VAV1: variants seen among roughly 807,000 people sequenced by gnomAD.
VAV1 encodes the protein vav guanine nucleotide exchange factor 1, also known as proto-oncogene vav.
In VAV1, 33 loss-of-function variants were observed where a neutral mutation model predicts 128.1. The observed-to-expected ratio is 0.26, with a 90% CI of 0.20 to 0.34. VAV1 has a LOEUF of 0.34. Among genes scored for constraint, VAV1 ranks in the 10% least tolerant of loss-of-function variants. The pLI, the probability that VAV1 is intolerant of heterozygous loss-of-function variation, is 1.00. For synonymous variants in VAV1, 394 were observed against 409.8 expected, an observed-to-expected ratio of 0.96 and a Z score of 0.47; for missense variants, 715 against 1,093.7, an observed-to-expected ratio of 0.65 and a Z score of 4.88.
At chr19:6,835,466 T>C (rs966641200) in intron 19 of VAV1, among the ~76,000 whole-genome samples, 5 of 152,192 alleles carry the variant, frequency 3.3e-5, no homozygotes, top group South Asian at 2.1e-4. Context: ...TTCTCAATAA[T>C]GGCCTGTGGC....
At chr19:6,818,129 T>G (rs1040065951) in intron 1 of VAV1, among the ~76,000 whole-genome samples, 4 of 152,108 alleles carry the variant, frequency 2.6e-5, no homozygotes, top group Non-Finnish European at 5.9e-5. Flanking sequence ...TGACTTTTTA[T>G]TTTTTGTGGA....
At chr19:6,839,863 T>C (rs1446531030) in intron 21 of VAV1, among the ~76,000 whole-genome samples, 1 of 151,908 alleles carries the variant, frequency 6.6e-6, no homozygotes, top group Non-Finnish European at 1.5e-5. Flanking sequence ...GCTAATTTTT[T>C]GTATTTTTCG....
intron 1 of VAV1, among the ~76,000 whole-genome samples, chr19:6,818,098 G>T (rs776028086): frequency 6.6e-6 from 1 of 151,902 alleles, no homozygotes; most frequent in Non-Finnish European, 1.5e-5. Context: ...GGGATTACAG[G>T]TGTGCACCAC....
At chr19:6,788,441 C>T (rs1377862967) in intron 1 of VAV1, among the ~76,000 whole-genome samples, 3 of 151,424 alleles carry the variant, frequency 2.0e-5, no homozygotes, top group South Asian at 2.1e-4. Flanking sequence ...GGCACAATCT[C>T]GGCTCAGTGC....
In VAV1 at chr19:6,828,275, G is replaced by A. The variant is rs1971966033; in HGVS notation, c.1023+104G>A. On this transcript the variant is annotated intron_variant, in intron 10 of 26. Transcript: ENST00000602142. This position sits in a 1 kb window ranked among gnomAD's most constrained non-coding sequence, Gnocchi z 4.5. ...TGGGGGTTGGGTCTCTAGGACGCTC[G>A]GGGATGGGTCACTGGGGTCATGTCT... is the stretch of plus-strand genomic sequence containing the variant. 3.3e-6 allele frequency: 5 copies of A among 1,510,102 alleles called. No individual in the cohort carries two copies. Among genetic ancestry groups the A allele is most frequent in the Admixed American group, 1.8e-5 (1 of 54,390 alleles). The allele number at this position is 1,510,102 out of a possible 1,614,324, so 93.5% of individuals were successfully genotyped here.
rs1425674575 is a variant in VAV1, at chr19:6,826,759, C to T, written c.927+48C>T. The T allele has an allele frequency of 1.4e-6, 2 of 1,418,402 alleles. No individual in the cohort carries two copies. Among genetic ancestry groups the T allele is most frequent in the Non-Finnish European group, 1.9e-6 (2 of 1,039,218 alleles). The allele number at this position is 1,418,402 out of a possible 1,614,324, so 87.9% of individuals were successfully genotyped here. A position where few individuals can be genotyped will look rare whatever the true frequency, so the allele number is the denominator to read the frequency against. On this transcript the variant is annotated intron_variant, in intron 9 of 26. Transcript: ENST00000602142. The surrounding 1 kb of genome is among the most constrained non-coding windows in gnomAD (Gnocchi z 4.1). ...GGGGCCTCTCCCGCTCCTCCCCAGG[C>T]CCTGGGGGCAGCAGGGAGGACACTG...
At chr19:6,850,844 C>T in intron 24 of VAV1, 87 bp downstream of exon 24, 3 of 1,364,828 alleles carry the variant, frequency 2.2e-6, no homozygotes, top group Non-Finnish European at 3.1e-6. Context: ...CCTTTTCCCA[C>T]ATTCAGGGTG....
chr19:6,797,433 T>G (rs1348235187), intron 1 of VAV1, among the ~76,000 whole-genome samples: 1 of 152,130 alleles, frequency 6.6e-6, no homozygotes, highest in Non-Finnish European at 1.5e-5. Context: ...CCGGGCACAG[T>G]GGCTCATGCC....
intron 1 of VAV1, among the ~76,000 whole-genome samples, chr19:6,793,495 G>A (rs372331626): frequency 2.6e-5 from 4 of 151,928 alleles, no homozygotes; most frequent in South Asian, 2.1e-4. Context: ...CTTGGGCGGC[G>A]GCAAGACAGG....
chr19:6,833,759 G>T (rs1253058018), intron 18 of VAV1, 26 bp downstream of exon 18: 1 of 1,613,998 alleles, frequency 6.2e-7, no homozygotes, highest in East Asian at 2.2e-5. Flanking sequence ...GGTCCTTCCT[G>T]TGTACCACAA....
intron 1 of VAV1, among the ~76,000 whole-genome samples, chr19:6,779,543 C>T (rs1277245130): frequency 6.6e-6 from 1 of 150,622 alleles, no homozygotes; most frequent in Non-Finnish European, 1.5e-5. Flanking sequence ...TTTGCTCGCC[C>T]TGTGCTAGAC....
In VAV1 at chr19:6,772,813, G is replaced by A; in HGVS notation, c.6G>A (p.Glu2=). The change falls in exon 1 of 27, where the codon GAG becomes GAA. Residue 2 remains glutamate, a synonymous_variant. Transcript: ENST00000602142. This position sits in a 1 kb window ranked among gnomAD's most constrained non-coding sequence, Gnocchi z 4.8. M[E]LWRQCTHWLI... ...GCCCTGGGCAGGCGGTAGCCATGGA[G>A]CTGTGGCGCCAATGCACCCACTGGC... 6.2e-7 allele frequency: 1 copy of A among 1,613,414 alleles called. No homozygotes were observed. Among genetic ancestry groups the A allele is most frequent in the Non-Finnish European group, 8.5e-7 (1 of 1,179,790 alleles).
intron 1 of VAV1, among the ~76,000 whole-genome samples, chr19:6,796,839 C>T (rs1012589760): frequency 3.3e-5 from 5 of 152,298 alleles, no homozygotes; most frequent in African/African-American, 1.2e-4. Flanking sequence ...TCTTCCTTTG[C>T]CAGAATATCA....
chr19:6,792,275 T>C (rs2660485), intron 1 of VAV1, among the ~76,000 whole-genome samples: 33,567 of 151,782 alleles, frequency 0.22, 3,958 homozygotes, highest in African/African-American at 0.3. Context: ...GACTGGGAGT[T>C]GGGAGTCATG....
intron 1 of VAV1, among the ~76,000 whole-genome samples, chr19:6,812,088 T>G (rs541121177): frequency 1.3e-5 from 2 of 152,294 alleles, no homozygotes; most frequent in African/African-American, 4.8e-5. Flanking sequence ...CATGACTGCA[T>G]CCACATGCAA....
At position 6,822,690 on chromosome 19, in the gene VAV1, A is replaced by T. The variant is rs1321801509; in HGVS notation, c.654+176A>T. Among the ~76,000 whole-genome samples the T allele has an allele frequency of 6.6e-6, 1 of 150,612 alleles. No homozygotes were observed. Among genetic ancestry groups the T allele is most frequent in the Non-Finnish European group, 1.5e-5 (1 of 67,742 alleles). On this transcript the variant is annotated intron_variant, in intron 6 of 26. Transcript: ENST00000602142. This position sits in a 1 kb window ranked among gnomAD's most constrained non-coding sequence, Gnocchi z 5.9. The stretch of plus-strand genomic sequence containing the variant: ...CTGACTTACATATGTATATATAAAT[A>T]TGAGTCTGACGTATATATATATTAA...
intron 1 of VAV1, among the ~76,000 whole-genome samples, chr19:6,799,082 G>A (rs1971205655): frequency 6.6e-6 from 1 of 152,062 alleles, no homozygotes; most frequent in South Asian, 2.1e-4. Flanking sequence ...CATCCATGTT[G>A]TTGTATGTAT....
At chr19:6,836,296 C>A in intron 19 of VAV1, 136 bp from the exon 20 acceptor site, 1 of 1,157,852 alleles carries the variant, frequency 8.6e-7, no homozygotes, top group Non-Finnish European at 1.2e-6. Flanking sequence ...GTGAAAATTC[C>A]AGTTTCTCCA....
At chr19:6,853,822 A>G in intron 25 of VAV1, 125 bp from the exon 26 acceptor site, 1 of 1,233,028 alleles carries the variant, frequency 8.1e-7, no homozygotes, top group Non-Finnish European at 1.1e-6. Context: ...GGCATCTAAT[A>G]CTCTGCAGAA....
Sources: allele counts gnomAD v4.1 joint callset (sites outside exome capture counted in the v4.1 genomes callset), GRCh38; gene constraint gnomAD v4.1.1; non-coding constraint Gnocchi (gnomAD v3.1); transcripts MANE v1.5; gene names NCBI Gene and HGNC (gene_info 2026-07-23, HGNC 2026-07-21).